The following SIL1 variants were observed in gnomAD, a reference collection of about 807,000 sequenced individuals.
SIL1 encodes nucleotide exchange factor SIL1.
SIL1 carries 40 observed loss-of-function variants against 49.1 expected under a neutral mutation model. The ratio of observed to expected loss-of-function variants is 0.81; its 90% CI spans 0.63 to 1.06. The LOEUF is 1.06. Among genes scored for constraint, SIL1 ranks in the 50% least tolerant of loss-of-function variants. The probability of loss-of-function intolerance (pLI) is 0.00; values close to 1 mark genes in which losing one functional copy is unlikely to be tolerated. For synonymous variants in SIL1, 253 were observed against 250.8 expected (o/e 1.01, Z -0.08); for missense variants, 500 against 572.6 (o/e 0.87, Z 1.29).
At chr5:139,022,607 A>T (rs1049872481) in intron 6 of SIL1, 3 of 152,226 alleles carry the variant, frequency 2.0e-5, no homozygotes, top group Non-Finnish European at 2.9e-5. Flanking sequence ...AGTGTGAATA[A>T]AAAGGCAATC....
At chr5:139,143,167 G>A (rs1316708428) in intron 1 of SIL1, among the ~76,000 whole-genome samples, 1 of 151,510 alleles carries the variant, frequency 6.6e-6, no homozygotes, top group Non-Finnish European at 1.5e-5. Flanking sequence ...AAAGGAAGAT[G>A]TAAAACTATT....
intron 1 of SIL1, among the ~76,000 whole-genome samples, chr5:139,181,611 G>A (rs1358334198): frequency 6.6e-6 from 1 of 152,160 alleles, no homozygotes; most frequent in African/African-American, 2.4e-5. Context: ...TTGGCAGAAG[G>A]GAGAGGAGGG....
At chr5:139,081,874 G>A (rs1313944051) in intron 3 of SIL1, among the ~76,000 whole-genome samples, 1 of 150,734 alleles carries the variant, frequency 6.6e-6, no homozygotes, top group African/African-American at 2.4e-5. Context: ...GCAAGACTCT[G>A]TCTTAAAAAA....
Position 139,137,295 on chromosome 5 carries a change from A to G in SIL1, c.-10-9442T>C, listed in dbSNP as rs775669635. On this transcript the variant is annotated intron_variant, in intron 1 of 9. Coordinates refer to ENST00000394817, the MANE Select transcript of SIL1 (RefSeq NM_022464.5). ...TTCCAATATGCTGCTCATTTTACCC[A>G]TGAGGGGACCAAAATTCAGAGAGGT... is the stretch of plus-strand genomic sequence containing the variant. 1.4e-5 allele frequency: 10 copies of G among 702,240 alleles called. No individual in the cohort carries two copies. In the South Asian group the frequency reaches 1.5e-4, roughly 10 times the overall value. 43.5% of individuals were successfully genotyped at this position (702,240 alleles called of 1,614,324 possible).
intron 9 of SIL1, among the ~76,000 whole-genome samples, chr5:138,950,559 C>A (rs1016644378): frequency 1.2e-4 from 19 of 152,222 alleles, no homozygotes; most frequent in Admixed American, 1.2e-3. Context: ...CCGAGAGAGG[C>A]AACTGAGGAA....
At chr5:139,127,602 A>G in intron 2 of SIL1, 137 bp downstream of exon 2, 6 of 713,872 alleles carry the variant, frequency 8.4e-6, no homozygotes, top group South Asian at 7.7e-5. Context: ...TACCTACTCC[A>G]TGATCCACTG....
chr5:139,114,299 A>T (rs1770939618), intron 3 of SIL1, among the ~76,000 whole-genome samples: 1 of 152,216 alleles, frequency 6.6e-6, no homozygotes. Flanking sequence ...GGCAGTGATC[A>T]GCCATCCTGA....
At chr5:139,156,628 C>G (rs1322210167) in intron 1 of SIL1, among the ~76,000 whole-genome samples, 1 of 152,118 alleles carries the variant, frequency 6.6e-6, no homozygotes, top group African/African-American at 2.4e-5. Context: ...TTGACAGAGA[C>G]ACAGAAAAGA....
chr5:139,019,184 T>C (rs1031278053), intron 7 of SIL1, among the ~76,000 whole-genome samples: 2 of 152,202 alleles, frequency 1.3e-5, no homozygotes, highest in South Asian at 4.1e-4. Context: ...TTTGTGCACA[T>C]GTGTGGCAGG....
intron 7 of SIL1, among the ~76,000 whole-genome samples, chr5:138,957,586 G>C (rs528090706): frequency 2.0e-5 from 3 of 151,882 alleles, no homozygotes; most frequent in South Asian, 4.2e-4. Flanking sequence ...TTATAGAAAA[G>C]TAATTACACA....
intron 7 of SIL1, among the ~76,000 whole-genome samples, chr5:138,962,206 C>T (rs2150385861): frequency 6.6e-6 from 1 of 152,142 alleles, no homozygotes; most frequent in African/African-American, 2.4e-5. Flanking sequence ...TTGAGAAAGC[C>T]TCTTCTACAC....
At chr5:139,121,276 C>A in intron 2 of SIL1, 103 bp from the exon 3 acceptor site, 1 of 1,480,952 alleles carries the variant, frequency 6.8e-7, no homozygotes, top group South Asian at 1.1e-5. Flanking sequence ...ATGCCCCTCT[C>A]CCCCACAGCC....
At chr5:139,084,064 T>C (rs1770154121) in intron 3 of SIL1, among the ~76,000 whole-genome samples, 1 of 146,990 alleles carries the variant, frequency 6.8e-6, no homozygotes, top group Non-Finnish European at 1.5e-5. Flanking sequence ...ACCAGTACCA[T>C]GCTGTTTTGG....
intron 7 of SIL1, among the ~76,000 whole-genome samples, chr5:138,975,563 C>T (rs186383247): frequency 2.6e-5 from 4 of 152,328 alleles, no homozygotes; most frequent in East Asian, 1.9e-4. Context: ...GCACGGTCAC[C>T]GGCGATCCCC....
intron 3 of SIL1, among the ~76,000 whole-genome samples, chr5:139,119,221 G>A (rs1036699950): frequency 4.6e-5 from 7 of 152,198 alleles, no homozygotes; most frequent in African/African-American, 1.7e-4. Flanking sequence ...TTGTCACACA[G>A]GCTCTGGCTG....
intron 7 of SIL1, among the ~76,000 whole-genome samples, chr5:139,001,231 A>C (rs1767978733): frequency 6.6e-6 from 1 of 152,244 alleles, no homozygotes. Flanking sequence ...GGAACCATCA[A>C]ACACAGTATG....
At chr5:139,192,223 CAA>C (rs71574438) in intron 1 of SIL1, among the ~76,000 whole-genome samples, 24 of 107,132 alleles carry the variant, frequency 2.2e-4, no homozygotes, top group Admixed American at 4.0e-4. Flanking sequence ...GACCCCATCT[CAA>C]AAAAAAAAAA....
chr5:139,026,037 C>T (rs765456812), intron 6 of SIL1, among the ~76,000 whole-genome samples: 2 of 152,202 alleles, frequency 1.3e-5, no homozygotes, highest in African/African-American at 2.4e-5. Flanking sequence ...CCCCAATCAT[C>T]CTATAACGCT....
chr5:139,018,366 T>A (rs1173314622), intron 7 of SIL1, among the ~76,000 whole-genome samples: 1 of 151,994 alleles, frequency 6.6e-6, no homozygotes, highest in East Asian at 1.9e-4. Flanking sequence ...GAAGCCAACA[T>A]GGACAGATTG....
Sources: gnomAD v4.1 joint callset for allele counts (sites outside exome capture counted in the v4.1 genomes callset) on GRCh38, gnomAD v4.1.1 for gene constraint, MANE v1.5 for transcripts, NCBI Gene and HGNC (gene_info 2026-07-23, HGNC 2026-07-21) for gene names.